SAMTOR: variants seen among roughly 807,000 people sequenced by gnomAD.
SAMTOR encodes S-adenosylmethionine sensor upstream of mTORC1, also known as UPF0532 protein C7orf60.
At chr7:112,865,365 C>T in the SAMTOR span, among the ~76,000 whole-genome samples, 1 of 152,032 alleles carries the variant, frequency 6.6e-6, no homozygotes, top group African/African-American at 2.4e-5. Flanking sequence ...GCAACCTCTG[C>T]CTCCTGGGTT....
the SAMTOR span, among the ~76,000 whole-genome samples, chr7:112,922,942 C>T: frequency 8.0e-5 from 12 of 150,698 alleles, no homozygotes; most frequent in East Asian, 3.9e-4. Flanking sequence ...AAGTGAGGAG[C>T]CCCTCTGCCC....
the SAMTOR span, among the ~76,000 whole-genome samples, chr7:112,829,293 T>G: frequency 1.3e-5 from 2 of 152,218 alleles, no homozygotes; most frequent in African/African-American, 4.8e-5. Context: ...AGTATCTGTC[T>G]TTAGAAGATA....
At chr7:112,891,743 A>G in the SAMTOR span, among the ~76,000 whole-genome samples, 3 of 152,268 alleles carry the variant, frequency 2.0e-5, no homozygotes, top group Non-Finnish European at 4.4e-5. Flanking sequence ...AACAATGTAC[A>G]GATCTTAATT....
At chr7:112,939,440 G>A in the SAMTOR span, 269 of 1,222,244 alleles carry the variant, frequency 2.2e-4, no homozygotes, top group Middle Eastern at 1.1e-3. Flanking sequence ...CGACTAGGGG[G>A]CTCAGACCAG....
the SAMTOR span, among the ~76,000 whole-genome samples, chr7:112,917,285 C>T: frequency 0.019 from 2,878 of 152,298 alleles, 29 homozygotes; most frequent in Non-Finnish European, 0.025. Context: ...CAGCAGCATT[C>T]GCGGTTCACG....
At chr7:112,884,016 G>A in the SAMTOR span, among the ~76,000 whole-genome samples, 1 of 152,146 alleles carries the variant, frequency 6.6e-6, no homozygotes, top group Non-Finnish European at 1.5e-5. Flanking sequence ...AGAAGGAGAA[G>A]CAAACACGTC....
the SAMTOR span, among the ~76,000 whole-genome samples, chr7:112,862,488 A>G: frequency 0.011 from 1,648 of 152,288 alleles, 31 homozygotes; most frequent in African/African-American, 0.037. Context: ...TGCATTATAT[A>G]CAAGGCTACT....
At chr7:112,837,167 G>C in the SAMTOR span, among the ~76,000 whole-genome samples, 1 of 151,984 alleles carries the variant, frequency 6.6e-6, no homozygotes, top group African/African-American at 2.4e-5. Context: ...CTGATTAGCT[G>C]TATTCTAGGT....
At chr7:112,933,588 T>A in the SAMTOR span, among the ~76,000 whole-genome samples, 1 of 152,164 alleles carries the variant, frequency 6.6e-6, no homozygotes, top group African/African-American at 2.4e-5. Context: ...TAGGCACATA[T>A]GAGGAAGGAA....
At chr7:112,885,745 C>G in the SAMTOR span, among the ~76,000 whole-genome samples, 3 of 152,196 alleles carry the variant, frequency 2.0e-5, no homozygotes, top group African/African-American at 7.2e-5. Context: ...AGCATTCCCA[C>G]ATTTTACTGT....
At chr7:112,864,971 C>G in the SAMTOR span, among the ~76,000 whole-genome samples, 3 of 152,036 alleles carry the variant, frequency 2.0e-5, no homozygotes, top group Non-Finnish European at 2.9e-5. Flanking sequence ...CCAGGCTGGT[C>G]TCAAACTCCT....
chr7:112,859,647 G>C, the SAMTOR span, among the ~76,000 whole-genome samples: 2 of 151,920 alleles, frequency 1.3e-5, no homozygotes, highest in Non-Finnish European at 2.9e-5. Context: ...TCCCGACCCT[G>C]TGTAGGTCTA....
chr7:112,904,964 A>C, the SAMTOR span, among the ~76,000 whole-genome samples: 1 of 152,162 alleles, frequency 6.6e-6, no homozygotes, highest in Non-Finnish European at 1.5e-5. Flanking sequence ...CTAATTCCTT[A>C]AGGTGGTAAA....
the SAMTOR span, among the ~76,000 whole-genome samples, chr7:112,834,393 T>C: frequency 1.3e-5 from 2 of 152,248 alleles, no homozygotes; most frequent in Middle Eastern, 3.4e-3. Context: ...TTTTTTTTTT[T>C]TCAATTTCAT....
chr7:112,840,597 T>A, the SAMTOR span, among the ~76,000 whole-genome samples: 10 of 152,018 alleles, frequency 6.6e-5, no homozygotes, highest in African/African-American at 2.4e-4. Flanking sequence ...CAAGACAAGA[T>A]AATAATGTTA....
the SAMTOR span, among the ~76,000 whole-genome samples, chr7:112,875,252 T>C: frequency 6.6e-6 from 1 of 152,188 alleles, no homozygotes. Flanking sequence ...TGATCTTTAG[T>C]TGTGGTCACT....
the SAMTOR span, among the ~76,000 whole-genome samples, chr7:112,887,746 T>C: frequency 6.6e-6 from 1 of 152,184 alleles, no homozygotes; most frequent in Non-Finnish European, 1.5e-5. Flanking sequence ...GTTCATAATA[T>C]TCCTTTTTAT....
the SAMTOR span, among the ~76,000 whole-genome samples, chr7:112,932,107 A>G: frequency 6.6e-6 from 1 of 151,922 alleles, no homozygotes. Flanking sequence ...TTGTATTTTT[A>G]GTAGAGACAG....
chr7:112,832,654 T>C, the SAMTOR span: 2 of 1,611,656 alleles, frequency 1.2e-6, no homozygotes, highest in South Asian at 1.1e-5. Flanking sequence ...GTAATCTGAT[T>C]TTTCCTGAGG....
Sources: gnomAD v4.1 joint callset for allele counts (sites outside exome capture counted in the v4.1 genomes callset) on GRCh38, gnomAD v4.1.1 for gene constraint, MANE v1.5 for transcripts, NCBI Gene and HGNC (gene_info 2026-07-23, HGNC 2026-07-21) for gene names.